SCD5: variants seen among roughly 807,000 people sequenced by gnomAD.
SCD5 encodes acyl-CoA-desaturase 4.
SCD5 carries 20 observed loss-of-function variants against 30.4 expected under a neutral mutation model. That is an observed-to-expected ratio of 0.66 (90% CI 0.46 to 0.96). The LOEUF (loss-of-function observed/expected upper bound fraction) is 0.96. Among genes scored for constraint, SCD5 ranks in the 40% least tolerant of loss-of-function variants. The probability of loss-of-function intolerance (pLI) is 0.00; values close to 1 mark genes in which losing one functional copy is unlikely to be tolerated. For missense variants in SCD5, 381 were observed against 443.3 expected (o/e 0.86, Z 1.26); for synonymous variants, 173 against 176.4 (o/e 0.98, Z 0.16).
chr4:82,771,177 C>A (rs1000632173), intron 1 of SCD5, among the ~76,000 whole-genome samples: 1 of 152,144 alleles, frequency 6.6e-6, no homozygotes, highest in Non-Finnish European at 1.5e-5. Context: ...CCATATTGCC[C>A]AGACTGGTCT....
chr4:82,750,288 T>A (rs1165397954), intron 1 of SCD5, among the ~76,000 whole-genome samples: 1 of 152,158 alleles, frequency 6.6e-6, no homozygotes, highest in African/African-American at 2.4e-5. Flanking sequence ...CATCTCCCCA[T>A]CCTCTGTGTT....
chr4:82,759,985 T>C (rs77760531), intron 1 of SCD5, among the ~76,000 whole-genome samples: 3,481 of 152,226 alleles, frequency 0.023, 111 homozygotes, highest in African/African-American at 0.076. Flanking sequence ...CCAGCATCTA[T>C]GGTGCCCATC....
intron 2 of SCD5, among the ~76,000 whole-genome samples, chr4:82,697,738 TC>T (rs1488262958): frequency 6.6e-6 from 1 of 152,188 alleles, no homozygotes; most frequent in Non-Finnish European, 1.5e-5. Context: ...CTGGAGAGTT[TC>T]CTGGTTTCCT....
chr4:82,687,908 T>G (rs7677187), intron 2 of SCD5, among the ~76,000 whole-genome samples: 4 of 152,058 alleles, frequency 2.6e-5, no homozygotes, highest in Non-Finnish European at 5.9e-5. Flanking sequence ...GACACTGTCT[T>G]TTAAGGCCCA....
At chr4:82,735,035 C>T (rs1178408516) in intron 1 of SCD5, among the ~76,000 whole-genome samples, 2 of 152,170 alleles carry the variant, frequency 1.3e-5, no homozygotes, top group Non-Finnish European at 2.9e-5. Context: ...TCCCAAAGTG[C>T]TGGGATTACA....
At chr4:82,664,995 C>CTATATATA (rs779503303) in intron 3 of SCD5, among the ~76,000 whole-genome samples, 140 of 83,170 alleles carry the variant, frequency 1.7e-3, no homozygotes, top group African/African-American at 2.4e-3. Context: ...CTCTCTCTCT[C>CTATATATA]TCTCTATATA....
intron 2 of SCD5, among the ~76,000 whole-genome samples, chr4:82,697,262 T>C (rs949861289): frequency 5.3e-5 from 8 of 152,244 alleles, no homozygotes; most frequent in African/African-American, 1.9e-4. Context: ...TAAAATCTGA[T>C]AGTTATTTGT....
chr4:82,720,467 A>T (rs1720348054), intron 1 of SCD5, among the ~76,000 whole-genome samples: 1 of 150,960 alleles, frequency 6.6e-6, no homozygotes, highest in South Asian at 2.1e-4. Context: ...AAAAAAAGAC[A>T]AAAGAGAAAG....
At chr4:82,732,543 A>T (rs1720666008) in intron 1 of SCD5, among the ~76,000 whole-genome samples, 1 of 152,216 alleles carries the variant, frequency 6.6e-6, no homozygotes. Context: ...CCATCACATC[A>T]GATCCTGCTG....
chr4:82,740,680 G>A (rs541781208), intron 1 of SCD5, among the ~76,000 whole-genome samples: 15 of 152,264 alleles, frequency 9.9e-5, no homozygotes, highest in African/African-American at 3.1e-4. Flanking sequence ...TCCAAGGTCC[G>A]CCACAGTTGG....
At chr4:82,660,714 T>G (rs1727981053) in intron 3 of SCD5, 1 of 1,448,086 alleles carries the variant, frequency 6.9e-7, no homozygotes, top group African/African-American at 1.4e-5. Flanking sequence ...CGTAGCTGCC[T>G]CCTTGTGTCA....
At chr4:82,781,636 A>T (rs1721875757) in intron 1 of SCD5, among the ~76,000 whole-genome samples, 1 of 152,000 alleles carries the variant, frequency 6.6e-6, no homozygotes, top group African/African-American at 2.4e-5. Flanking sequence ...CTGGGCCACT[A>T]CCCTTATGAA....
intron 1 of SCD5, among the ~76,000 whole-genome samples, chr4:82,790,417 G>A (rs933311020): frequency 2.0e-5 from 3 of 151,794 alleles, no homozygotes; most frequent in Admixed American, 1.3e-4. Flanking sequence ...CACCAGCCAC[G>A]CTGAACAATT....
intron 1 of SCD5, among the ~76,000 whole-genome samples, chr4:82,710,996 T>A (rs1407848051): frequency 1.3e-5 from 2 of 152,208 alleles, no homozygotes; most frequent in East Asian, 3.8e-4. Context: ...CACTTATCAC[T>A]GTGACAATTT....
chr4:82,792,684 T>C (rs895072321), intron 1 of SCD5, among the ~76,000 whole-genome samples: 3 of 152,226 alleles, frequency 2.0e-5, no homozygotes, highest in African/African-American at 7.2e-5. Flanking sequence ...ATGGCACTGC[T>C]GCACTCCAAC....
chr4:82,739,583 C>A (rs746820995), intron 1 of SCD5, among the ~76,000 whole-genome samples: 1 of 152,252 alleles, frequency 6.6e-6, no homozygotes, highest in Non-Finnish European at 1.5e-5. Flanking sequence ...CACAGGCATT[C>A]ACGCACACAA....
chr4:82,752,343 G>A (rs1721122523), intron 1 of SCD5, among the ~76,000 whole-genome samples: 2 of 151,766 alleles, frequency 1.3e-5, no homozygotes, highest in Non-Finnish European at 2.9e-5. Context: ...GTGGCTCTTA[G>A]TGAGGTGGAA....
intron 1 of SCD5, among the ~76,000 whole-genome samples, chr4:82,708,510 T>C (rs992177272): frequency 6.6e-6 from 1 of 152,144 alleles, no homozygotes. Flanking sequence ...TGCCTGAAGC[T>C]ATCAAGACCA....
chr4:82,640,832 C>A (rs1727527295), intron 3 of SCD5, among the ~76,000 whole-genome samples: 1 of 152,212 alleles, frequency 6.6e-6, no homozygotes, highest in Non-Finnish European at 1.5e-5. Flanking sequence ...CTTGCACCTA[C>A]TCCTTCCTCA....
Sources: allele counts gnomAD v4.1 joint callset (sites outside exome capture counted in the v4.1 genomes callset), GRCh38; gene constraint gnomAD v4.1.1; transcripts MANE v1.5; gene names NCBI Gene and HGNC (gene_info 2026-07-23, HGNC 2026-07-21).